CACNA1D: variants seen among roughly 807,000 people sequenced by gnomAD.
The protein encoded by CACNA1D is calcium voltage-gated channel subunit alpha1 D, also known as voltage-dependent L-type calcium channel subunit alpha-1D.
A neutral mutation model predicts 257.1 loss-of-function variants in CACNA1D; 55 were observed. The ratio of observed to expected loss-of-function variants is 0.21; its 90% CI spans 0.17 to 0.27. The LOEUF is 0.27. Among genes scored for constraint, CACNA1D ranks in the 10% least tolerant of loss-of-function variants. The probability of loss-of-function intolerance (pLI) is 1.00; values close to 1 mark genes in which losing one functional copy is unlikely to be tolerated. For synonymous variants in CACNA1D, 980 were observed against 1,014.9 expected (o/e 0.97, Z 0.65); for missense variants, 1,876 against 2,784.0 (o/e 0.67, Z 7.34).
At chr3:53,637,093 G>T (rs1222810815) in intron 3 of CACNA1D, among the ~76,000 whole-genome samples, 1 of 150,926 alleles carries the variant, frequency 6.6e-6, no homozygotes, top group Admixed American at 6.6e-5. Context: ...AGTTTCAGCT[G>T]ATTTTAAAGT....
rs532118448 is a variant in CACNA1D at position 53,704,972 on chromosome 3, G to C, written c.1390+2162G>C. On this transcript the variant is annotated intron_variant, in intron 9 of 47. Coordinates refer to ENST00000350061, the MANE Select transcript of CACNA1D (RefSeq NM_001128840.3). ...ATTTGAGGATTAAGGGTTTTCATTG[G>C]ATTTAAGGTGATATCTTGAGGGTTA... Among the ~76,000 whole-genome samples, 3 of 152,282 alleles carry C rather than the reference G, an allele frequency of 2.0e-5. No homozygotes were observed. The South Asian group carries it at 6.2e-4, about 32-fold the overall frequency.
intron 3 of CACNA1D, among the ~76,000 whole-genome samples, chr3:53,580,256 CAA>C (rs2093109303): frequency 6.6e-6 from 1 of 152,158 alleles, no homozygotes; most frequent in African/African-American, 2.4e-5. Flanking sequence ...AAAAAAGAAT[CAA>C]GAGTTTTTCT....
intron 39 of CACNA1D, among the ~76,000 whole-genome samples, chr3:53,784,693 T>C (rs970474195): frequency 6.6e-6 from 1 of 152,062 alleles, no homozygotes; most frequent in Non-Finnish European, 1.5e-5. Flanking sequence ...CCCTGGAATA[T>C]AGAGGAAGGC....
intron 38 of CACNA1D, among the ~76,000 whole-genome samples, chr3:53,781,205 T>C (rs1043459629): frequency 2.6e-5 from 4 of 152,156 alleles, no homozygotes; most frequent in African/African-American, 9.7e-5. Context: ...GGAGGTACGA[T>C]TTGGAACAAC....
rs200605154 is a variant in CACNA1D at position 53,722,398 on chromosome 3, C to T, written c.1590C>T (p.Ile530=). ...CTGTCACGTTTTACTGGCTGGTTATCGTCCTGGTGTTTCTGAACACCTTAA... is the reference window on the plus strand; with the variant it reads ...CTGTCACGTTTTACTGGCTGGTTATTGTCCTGGTGTTTCTGAACACCTTAA... ...VKSVTFYWLV[I]VLVFLNTLTI... The change falls in exon 12 of 48, where the codon ATC becomes ATT. Residue 530 remains isoleucine, a synonymous_variant. Transcript: ENST00000350061. 479 of 1,614,174 alleles carry T rather than the reference C, an allele frequency of 3.0e-4. No homozygotes were observed. Among genetic ancestry groups the T allele is most frequent in the Admixed American group, 4.7e-4 (28 of 60,026 alleles).
At chr3:53,720,141 G>A (rs116563538) in intron 11 of CACNA1D, among the ~76,000 whole-genome samples, 1 of 152,142 alleles carries the variant, frequency 6.6e-6, no homozygotes, top group East Asian at 1.9e-4. Context: ...ATTTCTTGAT[G>A]TGCATGCGGG....
At chr3:53,777,017 A>G in intron 37 of CACNA1D, 61 bp downstream of exon 37, 1 of 1,266,572 alleles carries the variant, frequency 7.9e-7, no homozygotes, top group Non-Finnish European at 1.2e-6. Context: ...CATTTAACAA[A>G]CACTTGTTAA....
chr3:53,668,316 A>T (rs1226220819), intron 7 of CACNA1D, among the ~76,000 whole-genome samples: 1 of 152,180 alleles, frequency 6.6e-6, no homozygotes, highest in African/African-American at 2.4e-5. Flanking sequence ...AAGCAAGTGT[A>T]AAACCTGGGA....
intron 40 of CACNA1D, among the ~76,000 whole-genome samples, chr3:53,798,841 T>C (rs764010477): frequency 3.3e-5 from 5 of 152,184 alleles, no homozygotes; most frequent in Non-Finnish European, 5.9e-5. Context: ...CTGGCCAGAC[T>C]GCAGCCACCA....
intron 9 of CACNA1D, among the ~76,000 whole-genome samples, chr3:53,715,520 C>T (rs1412358742): frequency 6.6e-6 from 1 of 152,018 alleles, no homozygotes; most frequent in Non-Finnish European, 1.5e-5. Flanking sequence ...GCTTTGCTTC[C>T]AGGGAGCTCC....
chr3:53,694,443 G>A (rs2094555725), intron 8 of CACNA1D, among the ~76,000 whole-genome samples: 1 of 152,150 alleles, frequency 6.6e-6, no homozygotes, highest in Non-Finnish European at 1.5e-5. Context: ...TCCCTCCCTG[G>A]TCCTGATTCA....
At chr3:53,611,201 T>G (rs947895556) in intron 3 of CACNA1D, among the ~76,000 whole-genome samples, 1 of 152,114 alleles carries the variant, frequency 6.6e-6, no homozygotes, top group African/African-American at 2.4e-5. Flanking sequence ...ACAGGCAACG[T>G]AGCAAGACCC....
intron 3 of CACNA1D, among the ~76,000 whole-genome samples, chr3:53,607,108 A>G (rs2093520585): frequency 6.6e-6 from 1 of 152,212 alleles, no homozygotes; most frequent in Admixed American, 6.5e-5. Flanking sequence ...GGCTATTACA[A>G]ATAAAGTGGC....
chr3:53,770,893 A>G (rs569851034), intron 32 of CACNA1D, among the ~76,000 whole-genome samples: 1 of 152,326 alleles, frequency 6.6e-6, no homozygotes, highest in South Asian at 2.1e-4. Context: ...GACTGCCTGG[A>G]AGCCCAACAG....
At chr3:53,788,926 C>G (rs1255813308) in intron 40 of CACNA1D, among the ~76,000 whole-genome samples, 2 of 152,098 alleles carry the variant, frequency 1.3e-5, no homozygotes. Flanking sequence ...CCCAATTAGA[C>G]AATTTCAGCA....
intron 40 of CACNA1D, among the ~76,000 whole-genome samples, chr3:53,796,592 T>C (rs944711120): frequency 1.3e-5 from 2 of 152,212 alleles, no homozygotes; most frequent in Admixed American, 1.3e-4. Flanking sequence ...GTGTTCATAT[T>C]TGATGTCAAA....
At position 53,673,917 on chromosome 3, in the gene CACNA1D, G is replaced by T; in HGVS notation, c.1220+791G>T. 1 of 780,180 alleles carries T rather than the reference G, an allele frequency of 1.3e-6. No homozygotes were observed. The highest frequency in any genetic ancestry group is 1.8e-5 in the Admixed American group (1 of 56,558). The allele number at this position is 780,180 out of a possible 1,614,324, so 48.3% of individuals were successfully genotyped here. A position where few individuals can be genotyped will look rare whatever the true frequency, so the allele number is the denominator to read the frequency against. Reference sequence around the variant, plus strand: ...CCTGACAGCTTCTCTGCATGTGTTTGGACTCTGATGTCCTCTCAGTGTGTT... The same window carrying T: ...CCTGACAGCTTCTCTGCATGTGTTTTGACTCTGATGTCCTCTCAGTGTGTT... On this transcript the variant is annotated intron_variant, in intron 8 of 47. Coordinates refer to ENST00000350061, the MANE Select transcript of CACNA1D (RefSeq NM_001128840.3). This position sits in a 1 kb window ranked among gnomAD's most constrained non-coding sequence, Gnocchi z 4.1.
intron 3 of CACNA1D, among the ~76,000 whole-genome samples, chr3:53,571,055 C>T (rs923691305): frequency 2.6e-5 from 4 of 152,240 alleles, no homozygotes; most frequent in African/African-American, 9.6e-5. Flanking sequence ...ATTCCTGAAT[C>T]ACATCCTTGT....
chr3:53,566,925 C>T (rs2092853205), intron 3 of CACNA1D, among the ~76,000 whole-genome samples: 1 of 152,244 alleles, frequency 6.6e-6, no homozygotes, highest in African/African-American at 2.4e-5. Flanking sequence ...GCCTGGCACG[C>T]TATTTGCTCA....
Sources: gnomAD v4.1 joint callset for allele counts (sites outside exome capture counted in the v4.1 genomes callset) on GRCh38, gnomAD v4.1.1 for gene constraint, Gnocchi (gnomAD v3.1) non-coding constraint, MANE v1.5 for transcripts, NCBI Gene and HGNC (gene_info 2026-07-23, HGNC 2026-07-21) for gene names.